PEPD: variants seen among roughly 807,000 people sequenced by gnomAD.
PEPD encodes the protein xaa-Pro dipeptidase.
A neutral mutation model predicts 60.7 loss-of-function variants in PEPD; 53 were observed. That is an observed-to-expected ratio of 0.87 (90% CI 0.70 to 1.10). PEPD has a LOEUF of 1.10. Ranked by LOEUF, PEPD falls within the 50% of genes least tolerant of loss-of-function variation. PEPD has a pLI of 0.00. For synonymous variants in PEPD, 267 were observed against 284.1 expected, an observed-to-expected ratio of 0.94 and a Z score of 0.60; for missense variants, 711 against 711.9, an observed-to-expected ratio of 1.00 and a Z score of 0.01.
At chr19:33,417,829 A>G (rs532064675) in intron 9 of PEPD, among the ~76,000 whole-genome samples, 5 of 152,318 alleles carry the variant, frequency 3.3e-5, no homozygotes, top group Admixed American at 1.3e-4. Context: ...CAGAATCTGC[A>G]TAGGTCCACG....
intron 6 of PEPD, among the ~76,000 whole-genome samples, chr19:33,486,275 C>T (rs890793976): frequency 6.7e-6 from 1 of 150,316 alleles, no homozygotes; most frequent in Admixed American, 6.6e-5. Flanking sequence ...CATCATGCCC[C>T]CGCCAGGACC....
chr19:33,471,208 C>G (rs1568488237), intron 7 of PEPD, among the ~76,000 whole-genome samples: 1 of 152,148 alleles, frequency 6.6e-6, no homozygotes, highest in Non-Finnish European at 1.5e-5. Flanking sequence ...TTTGGCCTGG[C>G]CCAATTGAAT....
rs200871513 is a variant in PEPD at position 33,413,612 on chromosome 19, C to T, written c.703G>A (p.Gly235Ser). The change falls in exon 10 of 15, where the codon GGC becomes AGC. Residue 235 changes from glycine to serine, a missense_variant. Coordinates refer to ENST00000244137, the MANE Select transcript of PEPD (RefSeq NM_000285.4). ...LFEHYCYSRG[G>S]MRHSSYTCIC... ...CAGGTGTAGGAGCTGTGGCGCATGC[C>T]GCCCCGGGAGTAGCAGTAGTGCTCG... 13 of 1,588,528 alleles carry T rather than the reference C, an allele frequency of 8.2e-6. No individual in the cohort carries two copies. The highest frequency in any genetic ancestry group is 2.7e-5 in the African/African-American group (2 of 74,452).
chr19:33,517,954 CAAAAAAA>C (rs74174669), intron 1 of PEPD, among the ~76,000 whole-genome samples: 9 of 119,660 alleles, frequency 7.5e-5, no homozygotes, highest in African/African-American at 2.8e-4. Context: ...GACTCCCTCT[CAAAAAAA>C]AAAAAAAAAT....
intron 4 of PEPD, among the ~76,000 whole-genome samples, chr19:33,497,559 C>T (rs878961858): frequency 6.6e-6 from 1 of 152,232 alleles, no homozygotes; most frequent in African/African-American, 2.4e-5. Context: ...CATGCTATCA[C>T]GTGACCAGCC....
At chr19:33,495,619 G>A (rs74839964) in intron 4 of PEPD, among the ~76,000 whole-genome samples, 13,672 of 152,048 alleles carry the variant, frequency 0.09, 640 homozygotes, top group East Asian at 0.14. Context: ...ACAATCTCCC[G>A]GGATCCTCCC....
At chr19:33,477,359 A>C (rs904607811) in intron 7 of PEPD, 1 of 159,252 alleles carries the variant, frequency 6.3e-6, no homozygotes, top group Non-Finnish European at 1.4e-5. Context: ...AAGGCTACAC[A>C]TCTCCTTGGC....
chr19:33,388,792 T>C, intron 13 of PEPD: 1 of 159,436 alleles, frequency 6.3e-6, no homozygotes, highest in Middle Eastern at 3.3e-3. Flanking sequence ...CAGGGGCCCC[T>C]GTCTGCGCCC....
intron 3 of PEPD, among the ~76,000 whole-genome samples, chr19:33,510,633 A>G (rs1970906316): frequency 6.6e-6 from 1 of 152,174 alleles, no homozygotes; most frequent in Non-Finnish European, 1.5e-5. Flanking sequence ...GGAACATGTG[A>G]GGCAAGGGTA....
intron 3 of PEPD, among the ~76,000 whole-genome samples, chr19:33,507,935 T>C (rs549117724): frequency 1.1e-4 from 16 of 152,216 alleles, no homozygotes; most frequent in African/African-American, 3.9e-4. Flanking sequence ...CACAAGGCTC[T>C]ACCTCTCAGC....
In PEPD at chr19:33,432,054, T is replaced by C. The variant is rs185552020; in HGVS notation, c.672-18411A>G. ...GTGACCATTACGAGTCTAAGAGTCA[T>C]AGGCTGAAGCTAAGAAGTCTTCCCA... On this transcript the variant is annotated intron_variant, in intron 9 of 14. Transcript: ENST00000244137. Among the ~76,000 whole-genome samples the C allele has an allele frequency of 4.1e-5, 6 of 146,070 alleles. No homozygotes were observed. In the East Asian group the frequency reaches 8.3e-4, roughly 20 times the overall value.
intron 7 of PEPD, among the ~76,000 whole-genome samples, chr19:33,470,650 C>T (rs1030407325): frequency 3.3e-5 from 5 of 152,248 alleles, no homozygotes; most frequent in African/African-American, 9.6e-5. Context: ...GTCCCAGCAC[C>T]GGCACAGACA....
chr19:33,426,487 C>G (rs1387451114), intron 9 of PEPD, among the ~76,000 whole-genome samples: 1 of 152,260 alleles, frequency 6.6e-6, no homozygotes, highest in Non-Finnish European at 1.5e-5. Context: ...TGGGCAGCCC[C>G]TGCAACTCAC....
intron 1 of PEPD, among the ~76,000 whole-genome samples, chr19:33,516,602 G>A (rs569130630): frequency 2.8e-4 from 43 of 151,968 alleles, no homozygotes; most frequent in African/African-American, 9.2e-4. Context: ...CCACACCCCC[G>A]TATCAGTACT....
chr19:33,435,245 G>A (rs1313306125), intron 9 of PEPD, among the ~76,000 whole-genome samples: 1 of 152,248 alleles, frequency 6.6e-6, no homozygotes, highest in East Asian at 1.9e-4. Context: ...GGCTGGGCCG[G>A]CGTCTGATCC....
intron 6 of PEPD, among the ~76,000 whole-genome samples, chr19:33,480,813 CGTGTGTGTGT>C (rs67751032): frequency 7.8e-6 from 1 of 127,748 alleles, no homozygotes; most frequent in East Asian, 2.1e-4. Flanking sequence ...ATATATATAG[CGTGTGTGTGT>C]GTGTGTGTGT....
chr19:33,415,986 C>T (rs1316021879), intron 9 of PEPD, among the ~76,000 whole-genome samples: 1 of 152,252 alleles, frequency 6.6e-6, no homozygotes, highest in African/African-American at 2.4e-5. Flanking sequence ...ACGTTTTCTG[C>T]AGACTTTAGG....
In PEPD at chr19:33,515,488, C is replaced by T. The variant is rs186434125; in HGVS notation, c.18-2712G>A. Among the ~76,000 whole-genome samples the T allele has an allele frequency of 5.9e-5, 9 of 152,246 alleles. No homozygotes were observed. The East Asian group carries it at 1.2e-3, about 20-fold the overall frequency. ...CGGTGAGAGTTCGTAAACATGACCACATCCCAGATGGCCATGCTGTCAGGA... is the reference window on the plus strand; with the variant it reads ...CGGTGAGAGTTCGTAAACATGACCATATCCCAGATGGCCATGCTGTCAGGA... On this transcript the variant is annotated intron_variant, in intron 1 of 14. Transcript: ENST00000244137.
At chr19:33,419,748 C>T (rs527764970) in intron 9 of PEPD, among the ~76,000 whole-genome samples, 1 of 152,334 alleles carries the variant, frequency 6.6e-6, no homozygotes, top group South Asian at 2.1e-4. Context: ...GACCTTGCAC[C>T]CATGCACAAG....
Sources: allele counts gnomAD v4.1 joint callset (sites outside exome capture counted in the v4.1 genomes callset), GRCh38; gene constraint gnomAD v4.1.1; transcripts MANE v1.5; gene names NCBI Gene and HGNC (gene_info 2026-07-23, HGNC 2026-07-21).